The following LAMA3 variants were observed in gnomAD, a reference collection of about 807,000 sequenced individuals.
LAMA3 encodes the protein laminin subunit alpha-3.
A neutral mutation model predicts 402.0 loss-of-function variants in LAMA3; 281 were observed. That is an observed-to-expected ratio of 0.70 (90% confidence interval 0.63 to 0.77). The LOEUF (loss-of-function observed/expected upper bound fraction) is 0.77. Among genes scored for constraint, LAMA3 ranks in the 30% least tolerant of loss-of-function variants. The pLI, the probability that LAMA3 is intolerant of heterozygous loss-of-function variation, is 0.00. For synonymous variants in LAMA3, 1,431 were observed against 1,558.4 expected, an observed-to-expected ratio of 0.92 and a Z score of 1.93; for missense variants, 3,840 against 4,215.5, an observed-to-expected ratio of 0.91 and a Z score of 2.47.
At chr18:23,926,975 T>C (rs2082020624) in intron 62 of LAMA3, among the ~76,000 whole-genome samples, 1 of 152,200 alleles carries the variant, frequency 6.6e-6, no homozygotes, top group South Asian at 2.1e-4. Context: ...CAGATTCACA[T>C]ATTCCCATTG....
At chr18:23,949,981 T>A in intron 71 of LAMA3, 48 bp from the exon 72 acceptor site, 1 of 1,614,178 alleles carries the variant, frequency 6.2e-7, no homozygotes, top group Non-Finnish European at 8.5e-7. Context: ...GTATCCTGTT[T>A]TCTTTCATGG....
chr18:23,815,546 GA>G lies in LAMA3; in HGVS notation c.2024del (p.Lys675ArgfsTer55). On this transcript the variant is annotated frameshift_variant, in exon 17 of 75. Coordinates refer to ENST00000313654, the MANE Select transcript of LAMA3 (RefSeq NM_198129.4). LOFTEE classifies it high-confidence loss of function. ...CTGTGAAGATGGATATTTTGCTTTG[GA>G]AAAGAGCAATTACTTTGGGTGTCAA... ...DTCEDGYFAL[E>X]KSNYFGCQGC... 6.2e-7 allele frequency: 1 copy of G among 1,614,038 alleles called. No homozygotes were observed. The highest frequency in any genetic ancestry group is 8.5e-7 in the Non-Finnish European group (1 of 1,179,906).
chr18:23,702,770 G>A (rs553864531), intron 1 of LAMA3, among the ~76,000 whole-genome samples: 19 of 152,210 alleles, frequency 1.2e-4, no homozygotes, highest in African/African-American at 3.9e-4. Flanking sequence ...CACCTCATAC[G>A]GCTAGACAGC....
At chr18:23,714,914 C>A (rs1312722571) in intron 2 of LAMA3, among the ~76,000 whole-genome samples, 2 of 152,168 alleles carry the variant, frequency 1.3e-5, no homozygotes, top group Non-Finnish European at 2.9e-5. Flanking sequence ...TAAGTGGAAT[C>A]ATATAGTATT....
At chr18:23,717,790 C>T (rs537246938) in intron 2 of LAMA3, among the ~76,000 whole-genome samples, 4 of 141,662 alleles carry the variant, frequency 2.8e-5, no homozygotes, top group Admixed American at 2.2e-4. Context: ...AGGCTGGTCT[C>T]GAACTCCTGA....
intron 41 of LAMA3, among the ~76,000 whole-genome samples, chr18:23,887,314 G>A (rs1445377010): frequency 6.6e-6 from 1 of 152,170 alleles, no homozygotes; most frequent in Admixed American, 6.5e-5. Flanking sequence ...GATGTGGGGA[G>A]TGGGAAAGGA....
At chr18:23,815,983 C>T (rs1248936263) in intron 17 of LAMA3, among the ~76,000 whole-genome samples, 3 of 152,174 alleles carry the variant, frequency 2.0e-5, no homozygotes, top group Admixed American at 6.5e-5. Context: ...ATCTCTCGCT[C>T]GGCCCCTGGT....
rs978546033 is a variant in LAMA3 at position 23,839,806 on chromosome 18, C to T, written c.3213C>T (p.Ala1071=). ...VNQSATCVSL[A]HETPPTALIL... is the part of the protein sequence containing the mutation. ...TCAGTGCCACCTGTGTCTCCTTGGC[C>T]CATGAAACTCCTCCAACAGCATTAA... The change falls in exon 27 of 75, where the codon GCC becomes GCT. Residue 1071 remains alanine, a synonymous_variant. Coordinates refer to ENST00000313654, the MANE Select transcript of LAMA3 (RefSeq NM_198129.4). This position sits in a 1 kb window ranked among gnomAD's most constrained non-coding sequence, Gnocchi z 4.5. The T allele has an allele frequency of 2.5e-6, 4 of 1,614,006 alleles. No homozygotes were observed. Among genetic ancestry groups the T allele is most frequent in the Non-Finnish European group, 1.7e-6 (2 of 1,180,000 alleles).
chr18:23,954,836 T>C lies in LAMA3; in HGVS notation c.*188T>C, dbSNP rs1488395513. 1.6e-6 allele frequency: 1 copy of C among 612,838 alleles called. No homozygotes were observed. Among genetic ancestry groups the C allele is most frequent in the Non-Finnish European group, 2.9e-6 (1 of 346,648 alleles). The allele number at this position is 612,838 out of a possible 1,614,324, so 38.0% of individuals were successfully genotyped here. A position where few individuals can be genotyped will look rare whatever the true frequency, so the allele number is the denominator to read the frequency against. On this transcript the variant is annotated 3_prime_UTR_variant, in exon 75 of 75. Coordinates refer to ENST00000313654, the MANE Select transcript of LAMA3 (RefSeq NM_198129.4). The stretch of plus-strand genomic sequence containing the variant: ...CATTCAGTGCTACATGTGTATTTTA[T>C]ATAAAAATCCCATTTCTTGAAGATA...
chr18:23,917,395 A>T lies in LAMA3; in HGVS notation c.7923+700A>T, dbSNP rs529466881. Among the ~76,000 whole-genome samples, 17 of 152,332 alleles carry T rather than the reference A, an allele frequency of 1.1e-4. No homozygotes were observed. The East Asian group carries it at 2.3e-3, about 21-fold the overall frequency. ...CTTTGGGTGTATACCCAATAATGGGATTGCTGGATCAAATGGTAGTTTTAA... is the reference window on the plus strand; with the variant it reads ...CTTTGGGTGTATACCCAATAATGGGTTTGCTGGATCAAATGGTAGTTTTAA... On this transcript the variant is annotated intron_variant, in intron 60 of 74. Transcript: ENST00000313654.
chr18:23,797,123 C>T (rs2062778813), intron 12 of LAMA3, among the ~76,000 whole-genome samples: 1 of 152,182 alleles, frequency 6.6e-6, no homozygotes, highest in South Asian at 2.1e-4. Context: ...CTGAGCTGTG[C>T]AAGAAATTCA....
intron 8 of LAMA3, 127 bp downstream of exon 8, chr18:23,763,650 A>AGAAAT: frequency 1.3e-6 from 1 of 756,404 alleles, no homozygotes; most frequent in African/African-American, 1.7e-5. Flanking sequence ...CCATTTCTCC[A>AGAAAT]CTGTTGCTCA....
At chr18:23,876,864 G>A (rs945780970) in intron 39 of LAMA3, among the ~76,000 whole-genome samples, 2 of 152,110 alleles carry the variant, frequency 1.3e-5, no homozygotes, top group African/African-American at 4.8e-5. Context: ...TAAGAAATCA[G>A]TCCAACATTA....
intron 74 of LAMA3, among the ~76,000 whole-genome samples, chr18:23,953,383 C>T (rs1297064008): frequency 6.7e-6 from 1 of 149,596 alleles, no homozygotes; most frequent in Non-Finnish European, 1.5e-5. Flanking sequence ...ACTCTGTTGC[C>T]CAGGCTGGAG....
At chr18:23,904,135 G>A in intron 50 of LAMA3, 48 bp downstream of exon 50, 4 of 1,608,078 alleles carry the variant, frequency 2.5e-6, no homozygotes, top group Non-Finnish European at 2.6e-6. Context: ...GCTGAGCTCA[G>A]CAGCTTGTCC....
chr18:23,877,191 G>A (rs919473467), intron 39 of LAMA3, among the ~76,000 whole-genome samples: 1 of 152,114 alleles, frequency 6.6e-6, no homozygotes, highest in African/African-American at 2.4e-5. Flanking sequence ...AACATCCACC[G>A]CCTGCCTGTT....
At chr18:23,722,034 G>A (rs1226208112) in intron 2 of LAMA3, among the ~76,000 whole-genome samples, 22 of 152,192 alleles carry the variant, frequency 1.4e-4, no homozygotes, top group Admixed American at 1.4e-3. Context: ...TTCTTAACAT[G>A]TCACATACGC....
At chr18:23,880,545 A>G (rs1015784546) in intron 39 of LAMA3, among the ~76,000 whole-genome samples, 25 of 152,200 alleles carry the variant, frequency 1.6e-4, no homozygotes, top group African/African-American at 5.5e-4. Flanking sequence ...ATATAAACGT[A>G]TATTGCTTTT....
chr18:23,791,844 T>C (rs1335769283), intron 12 of LAMA3, among the ~76,000 whole-genome samples: 1 of 151,630 alleles, frequency 6.6e-6, no homozygotes, highest in African/African-American at 2.4e-5. Context: ...TCATCTGACA[T>C]TCTTCATGTG....
Sources: allele counts gnomAD v4.1 joint callset (sites outside exome capture counted in the v4.1 genomes callset), GRCh38; gene constraint gnomAD v4.1.1; non-coding constraint Gnocchi (gnomAD v3.1); transcripts MANE v1.5; gene names NCBI Gene and HGNC (gene_info 2026-07-23, HGNC 2026-07-21).